TGFB2: variants seen among roughly 807,000 people sequenced by gnomAD.
The protein encoded by TGFB2 is transforming growth factor beta 2, also known as transforming growth factor beta-2 proprotein.
TGFB2 carries 13 observed loss-of-function variants against 42.7 expected under a neutral mutation model. The observed-to-expected ratio is 0.30, with a 90% CI of 0.20 to 0.48. The LOEUF (loss-of-function observed/expected upper bound fraction) is 0.48, where lower values mean the gene tolerates loss of function less well. TGFB2 is among the 20% of genes least tolerant of loss of function. TGFB2 has a pLI of 0.99. For synonymous variants in TGFB2, 193 were observed against 193.6 expected (o/e 1.00, Z 0.03); for missense variants, 390 against 517.5 (o/e 0.75, Z 2.39).
rs1381161356 is a variant in TGFB2 at position 218,444,065 on chromosome 1, C to T, written c.*2703C>T. 1 of 152,068 alleles carries T rather than the reference C, an allele frequency of 6.6e-6. No homozygotes were observed. The highest frequency in any genetic ancestry group is 1.9e-4 in the East Asian group (1 of 5,178). The allele number at this position is 152,068 out of a possible 1,614,324, so 9.4% of individuals were successfully genotyped here. A position where few individuals can be genotyped will look rare whatever the true frequency, so the allele number is the denominator to read the frequency against. ...AACACCTGTGATGCAATAAGACTAT[C>T]TCAAGCTGGAAAAGTCATACCACCT... On this transcript the variant is annotated 3_prime_UTR_variant, in exon 7 of 7. Coordinates refer to ENST00000366930, the MANE Select transcript of TGFB2 (RefSeq NM_003238.6).
chr1:218,381,258 GTTTTT>G (rs11405199), intron 1 of TGFB2, among the ~76,000 whole-genome samples: 1 of 137,746 alleles, frequency 7.3e-6, no homozygotes, highest in East Asian at 2.1e-4. Context: ...TTTTGTTTTT[GTTTTT>G]TTTTTTTTTT....
intron 1 of TGFB2, 125 bp from the exon 2 acceptor site, chr1:218,405,044 C>A: frequency 2.8e-6 from 3 of 1,069,290 alleles, no homozygotes; most frequent in Non-Finnish European, 4.1e-6. Context: ...TGGTATTAAA[C>A]TGGCCGTTGG....
At chr1:218,354,952 G>A (rs1656985204) in intron 1 of TGFB2, among the ~76,000 whole-genome samples, 1 of 152,178 alleles carries the variant, frequency 6.6e-6, no homozygotes. Flanking sequence ...GTCCAGGCTG[G>A]AGTGCAGTGG....
At chr1:218,377,532 A>G (rs1657781985) in intron 1 of TGFB2, among the ~76,000 whole-genome samples, 1 of 151,860 alleles carries the variant, frequency 6.6e-6, no homozygotes. Flanking sequence ...CACCAGCTCC[A>G]CCCCCAAATC....
intron 1 of TGFB2, among the ~76,000 whole-genome samples, chr1:218,350,938 C>T (rs1026014619): frequency 6.6e-6 from 1 of 152,208 alleles, no homozygotes; most frequent in South Asian, 2.1e-4. Context: ...TTGATTTATT[C>T]TACCATTTTG....
At chr1:218,402,056 G>A (rs1288834906) in intron 1 of TGFB2, among the ~76,000 whole-genome samples, 2 of 152,200 alleles carry the variant, frequency 1.3e-5, no homozygotes, top group African/African-American at 4.8e-5. Context: ...CCCTGGAAGG[G>A]GTAGTTGGTT....
chr1:218,395,389 C>G (rs1658470047), intron 1 of TGFB2, among the ~76,000 whole-genome samples: 1 of 152,152 alleles, frequency 6.6e-6, no homozygotes, highest in Admixed American at 6.5e-5. Flanking sequence ...GGAGGAGGAG[C>G]TGCTGCCTTG....
chr1:218,360,928 T>G (rs1454151774), intron 1 of TGFB2, among the ~76,000 whole-genome samples: 1 of 152,154 alleles, frequency 6.6e-6, no homozygotes, highest in Non-Finnish European at 1.5e-5. Context: ...GATCTCAGTT[T>G]ACTGCAACCT....
chr1:218,439,745 G>A (rs1024060439), intron 6 of TGFB2, among the ~76,000 whole-genome samples: 1 of 152,174 alleles, frequency 6.6e-6, no homozygotes, highest in Non-Finnish European at 1.5e-5. Context: ...AGGCCCTGTT[G>A]CCAAGTAGAA....
intron 2 of TGFB2, among the ~76,000 whole-genome samples, chr1:218,406,008 C>T (rs1658899275): frequency 6.6e-6 from 1 of 152,068 alleles, no homozygotes; most frequent in South Asian, 2.1e-4. Context: ...AGTTGACCTT[C>T]CTTTATTCAT....
intron 5 of TGFB2, among the ~76,000 whole-genome samples, chr1:218,437,108 T>C (rs557844524): frequency 1.3e-5 from 2 of 152,260 alleles, no homozygotes; most frequent in East Asian, 1.9e-4. Context: ...AGTCAGGGTA[T>C]AGAACTCATA....
chr1:218,394,607 C>T (rs887854229), intron 1 of TGFB2, among the ~76,000 whole-genome samples: 4 of 152,196 alleles, frequency 2.6e-5, no homozygotes, highest in South Asian at 2.1e-4. Flanking sequence ...GCCAACAGCT[C>T]GTCAAGTCTG....
chr1:218,378,495 G>T (rs1657830839), intron 1 of TGFB2, among the ~76,000 whole-genome samples: 1 of 152,074 alleles, frequency 6.6e-6, no homozygotes, highest in African/African-American at 2.4e-5. Context: ...GGTATTTTTA[G>T]TAGAGACGAG....
chr1:218,379,281 C>G (rs1017554625), intron 1 of TGFB2, among the ~76,000 whole-genome samples: 1 of 151,496 alleles, frequency 6.6e-6, no homozygotes, highest in African/African-American at 2.4e-5. Flanking sequence ...TACAGGCGCC[C>G]GCCACCACAC....
At chr1:218,435,461 G>A (rs1659940849) in intron 4 of TGFB2, among the ~76,000 whole-genome samples, 1 of 152,164 alleles carries the variant, frequency 6.6e-6, no homozygotes, top group African/African-American at 2.4e-5. Flanking sequence ...AATAGCATTA[G>A]GTAAGGGTGA....
intron 4 of TGFB2, among the ~76,000 whole-genome samples, chr1:218,435,745 A>C (rs1331797039): frequency 6.6e-6 from 1 of 152,208 alleles, no homozygotes. Context: ...TTGACACCGA[A>C]CTGCCTTCTG....
In TGFB2 at chr1:218,437,352, G is replaced by A. The variant is rs188801474; in HGVS notation, c.942G>A (p.Gln314=). 27 of 1,594,810 alleles carry A rather than the reference G, an allele frequency of 1.7e-5. No homozygotes were observed. Among genetic ancestry groups the A allele is most frequent in the Middle Eastern group, 1.7e-4 (1 of 5,892 alleles). ...LDAAYCFRNV[Q]DNCCLRPLYI... ...TTTTTTTTTTTAACAGAAATGTGCAGGATAATTGCTGCCTACGTCCACTTT... is the reference window on the plus strand; with the variant it reads ...TTTTTTTTTTTAACAGAAATGTGCAAGATAATTGCTGCCTACGTCCACTTT... The change falls in exon 6 of 7, where the codon CAG becomes CAA. Residue 314 remains glutamine, a synonymous_variant. Coordinates refer to ENST00000366930, the MANE Select transcript of TGFB2 (RefSeq NM_003238.6).
In TGFB2 at chr1:218,434,430, C is replaced by T. The variant is rs754552999; in HGVS notation, c.736C>T (p.Leu246=). 3.1e-6 allele frequency: 5 copies of T among 1,612,624 alleles called. No homozygotes were observed. The South Asian group carries it at 4.4e-5, about 14-fold the overall frequency. The change falls in exon 4 of 7, where the codon CTA becomes TTA. Residue 246 remains leucine, a synonymous_variant. Transcript: ENST00000366930. ...CATCATCCCAAATAAAAGTGAAGAA[C>T]TAGAAGCAAGATTTGCAGGTAACCA... ...NYIIPNKSEE[L]EARFAGIDGT... is the part of the protein sequence containing the mutation.
In TGFB2 at chr1:218,346,955, G is replaced by A. The variant is rs2102527749; in HGVS notation, c.254G>A (p.Arg85Lys). Residue 85 changes from arginine to lysine, a missense_variant, in exon 1 of 7, where the codon AGG becomes AAG. Arg to Lys is a conservative substitution (Grantham distance 26, BLOSUM62 2). Coordinates refer to ENST00000366930, the MANE Select transcript of TGFB2 (RefSeq NM_003238.6). This position sits in a 1 kb window ranked among gnomAD's most constrained non-coding sequence, Gnocchi z 4.9. ...RDLLQEKASR[R>K]AAACERERSD... Reference sequence around the variant, plus strand: ...TTGCTCCAGGAGAAGGCGAGCCGGAGGGCGGCCGCCTGCGAGCGCGAGAGG... The same window carrying A: ...TTGCTCCAGGAGAAGGCGAGCCGGAAGGCGGCCGCCTGCGAGCGCGAGAGG... 1.2e-6 allele frequency: 2 copies of A among 1,614,032 alleles called. No individual in the cohort carries two copies. Among genetic ancestry groups the A allele is most frequent in the Non-Finnish European group, 1.7e-6 (2 of 1,179,978 alleles).
Sources: allele counts gnomAD v4.1 joint callset (sites outside exome capture counted in the v4.1 genomes callset), GRCh38; gene constraint gnomAD v4.1.1; non-coding constraint Gnocchi (gnomAD v3.1); transcripts MANE v1.5; gene names NCBI Gene and HGNC (gene_info 2026-07-23, HGNC 2026-07-21).